Variants in SLCO3A1 observed in about 807,000 individuals in gnomAD.
SLCO3A1 encodes the protein solute carrier organic anion transporter family member 3A1, also known as PGE1 transporter.
A neutral mutation model predicts 63.1 loss-of-function variants in SLCO3A1; 27 were observed. The ratio of observed to expected loss-of-function variants is 0.43; its 90% CI spans 0.32 to 0.59. The LOEUF (loss-of-function observed/expected upper bound fraction) is 0.59. Among genes scored for constraint, SLCO3A1 ranks in the 20% least tolerant of loss-of-function variants. The pLI is 0.09. For synonymous variants in SLCO3A1, 473 were observed against 409.9 expected, an observed-to-expected ratio of 1.15 and a Z score of -1.86; for missense variants, 773 against 945.8, an observed-to-expected ratio of 0.82 and a Z score of 2.40.
At chr15:92,068,996 T>C (rs2047183509) in intron 2 of SLCO3A1, among the ~76,000 whole-genome samples, 1 of 152,204 alleles carries the variant, frequency 6.6e-6, no homozygotes. Flanking sequence ...TGCTAGGCAC[T>C]GTGCTGGGCG....
chr15:91,919,098 G>A (rs1898756256), intron 2 of SLCO3A1, among the ~76,000 whole-genome samples: 3 of 152,258 alleles, frequency 2.0e-5, no homozygotes, highest in East Asian at 3.8e-4. Context: ...GATCAGTGGT[G>A]ATGACACCTG....
Position 91,856,858 on chromosome 15 carries a change from T to G in SLCO3A1, c.180+2770T>G, listed in dbSNP as rs1896932288. 6.6e-6 allele frequency among the ~76,000 whole-genome samples: 1 copy of G among 152,162 alleles called. No homozygotes were observed. The highest frequency in any genetic ancestry group is 1.5e-5 in the Non-Finnish European group (1 of 68,034). ...CCTATTAGATTCCCAGAGTCCACCTTCTTATTTCATCTCCCCAGGTGCCTT... is the reference window on the plus strand; with the variant it reads ...CCTATTAGATTCCCAGAGTCCACCTGCTTATTTCATCTCCCCAGGTGCCTT... On this transcript the variant is annotated intron_variant, in intron 1 of 9. Transcript: ENST00000318445. The surrounding 1 kb of genome is among the most constrained non-coding windows in gnomAD (Gnocchi z 4.9).
intron 1 of SLCO3A1, among the ~76,000 whole-genome samples, chr15:91,902,641 G>T (rs1345363495): frequency 6.6e-6 from 1 of 152,040 alleles, no homozygotes; most frequent in Non-Finnish European, 1.5e-5. Context: ...TCCTCAGTTT[G>T]TTGTATGTTT....
chr15:92,063,279 A>G (rs1275274947), intron 2 of SLCO3A1, among the ~76,000 whole-genome samples: 3 of 152,198 alleles, frequency 2.0e-5, no homozygotes, highest in Non-Finnish European at 4.4e-5. Context: ...ATAGATATCC[A>G]GTTAAACCCA....
In SLCO3A1 at chr15:92,030,010, T is replaced by A. The variant is rs17644525; in HGVS notation, c.647-64871T>A. ...GTTGCATTATTACTCTAATAAAATGTCCTCGGCTACATTTTCGTAACAGTT... is the reference window on the plus strand; with the variant it reads ...GTTGCATTATTACTCTAATAAAATGACCTCGGCTACATTTTCGTAACAGTT... On this transcript the variant is annotated intron_variant, in intron 2 of 9. Transcript: ENST00000318445. Among the ~76,000 whole-genome samples the A allele has an allele frequency of 1.8e-3, 270 of 152,252 alleles. 7 individuals carry two copies. In the East Asian group the frequency reaches 0.049, roughly 28 times the overall value.
chr15:92,170,652 A>G (rs976055291), downstream of SLCO3A1, among the ~76,000 whole-genome samples: 6 of 152,182 alleles, frequency 3.9e-5, no homozygotes, highest in Admixed American at 2.0e-4. Flanking sequence ...GGAAACCCCT[A>G]GCAGGAGTCT....
chr15:92,080,399 T>A (rs1596081866), intron 2 of SLCO3A1, among the ~76,000 whole-genome samples: 1 of 152,052 alleles, frequency 6.6e-6, no homozygotes, highest in African/African-American at 2.4e-5. Context: ...AGTTTTTTTT[T>A]TTTTTTCCTC....
intron 1 of SLCO3A1, among the ~76,000 whole-genome samples, chr15:91,881,160 T>C (rs1402319026): frequency 1.3e-5 from 2 of 152,200 alleles, no homozygotes; most frequent in Non-Finnish European, 2.9e-5. Context: ...ACAAGCAGCT[T>C]GGCCAGCTTG....
At chr15:92,053,475 T>C (rs1452665415) in intron 2 of SLCO3A1, among the ~76,000 whole-genome samples, 1 of 152,028 alleles carries the variant, frequency 6.6e-6, no homozygotes, top group Admixed American at 6.5e-5. Flanking sequence ...TTCAGATGCG[T>C]GTAGTTTTTC....
intron 1 of SLCO3A1, among the ~76,000 whole-genome samples, chr15:91,899,295 C>A (rs1035419123): frequency 2.0e-5 from 3 of 152,130 alleles, no homozygotes; most frequent in African/African-American, 4.8e-5. Context: ...ATTTTGCAGG[C>A]GTTTCCCTAA....
rs1274999913 is a variant in SLCO3A1, at chr15:91,863,046, C to T, written c.180+8958C>T. ...AGCTGATTATATAAGCTATAAAATACAGCACCTAAAGTCTTATGTTTACTC... is the reference window on the plus strand; with the variant it reads ...AGCTGATTATATAAGCTATAAAATATAGCACCTAAAGTCTTATGTTTACTC... On this transcript the variant is annotated intron_variant, in intron 1 of 9. Transcript: ENST00000318445. This position sits in a 1 kb window ranked among gnomAD's most constrained non-coding sequence, Gnocchi z 4.3. Among the ~76,000 whole-genome samples the T allele has an allele frequency of 1.3e-5, 2 of 152,182 alleles. No individual in the cohort carries two copies. The highest frequency in any genetic ancestry group is 2.1e-4 in the South Asian group (1 of 4,828).
chr15:92,065,666 C>T (rs1256256621), intron 2 of SLCO3A1, among the ~76,000 whole-genome samples: 1 of 152,120 alleles, frequency 6.6e-6, no homozygotes, highest in East Asian at 1.9e-4. Flanking sequence ...TCCATGTGCT[C>T]AAACCCCTTT....
At position 91,955,337 on chromosome 15, in the gene SLCO3A1, C is replaced by CTT. The variant is rs765442580; in HGVS notation, c.646+38891_646+38892dup. ...TTTCATTCTATGTCATTTTCTTTTT[C>CTT]TTTTTTTTTTTTTGAAACAGAGTCT... On this transcript the variant is annotated intron_variant, in intron 2 of 9. Transcript: ENST00000318445. Among the ~76,000 whole-genome samples, 86 of 143,630 alleles carry CTT rather than the reference C, an allele frequency of 6.0e-4. 1 individual carries two copies. Among genetic ancestry groups the CTT allele is most frequent in the Non-Finnish European group, 1.1e-3 (69 of 65,480 alleles). 94.2% of individuals were successfully genotyped at this position (143,630 alleles called of 152,430 possible).
rs1415020212 is a variant in SLCO3A1 at position 92,104,445 on chromosome 15, C to T, written c.912C>T (p.Leu304=). The change falls in exon 4 of 10, where the codon CTC becomes CTT. Residue 304 remains leucine, a synonymous_variant. Coordinates refer to ENST00000318445, the MANE Select transcript of SLCO3A1 (RefSeq NM_013272.4). The part of the protein sequence containing the change: ...EPAMESEQAM[L]SEREYERPKP... ...CCATGGAAAGCGAGCAGGCCATGCT[C>T]TCCGAAAGAGAATACGAGAGACCCA... is the stretch of plus-strand genomic sequence containing the variant. The T allele has an allele frequency of 1.9e-6, 3 of 1,614,180 alleles. No individual in the cohort carries two copies. The South Asian group carries it at 3.3e-5, about 18-fold the overall frequency.
chr15:91,942,205 C>A lies in SLCO3A1; in HGVS notation c.646+25747C>A, dbSNP rs1427864607. 6.6e-6 allele frequency among the ~76,000 whole-genome samples: 1 copy of A among 151,942 alleles called. No individual in the cohort carries two copies. The highest frequency in any genetic ancestry group is 1.5e-5 in the Non-Finnish European group (1 of 68,026). The stretch of plus-strand genomic sequence containing the variant: ...AAAGGTGGCACCTCTGTCATTTACC[C>A]CTCAATATTTTATATTTGACTCTTC... On this transcript the variant is annotated intron_variant, in intron 2 of 9. Transcript: ENST00000318445. This position sits in a 1 kb window ranked among gnomAD's most constrained non-coding sequence, Gnocchi z 4.1.
chr15:91,915,920 T>G, intron 1 of SLCO3A1, 73 bp from the exon 2 acceptor site: 1 of 1,308,590 alleles, frequency 7.6e-7, no homozygotes, highest in African/African-American at 1.5e-5. Flanking sequence ...CAGAGCGCAC[T>G]GTCAGGCGGG....
At chr15:92,064,856 C>A (rs2047130187) in intron 2 of SLCO3A1, among the ~76,000 whole-genome samples, 4 of 152,098 alleles carry the variant, frequency 2.6e-5, no homozygotes, top group Non-Finnish European at 4.4e-5. Context: ...TGGTTACCAG[C>A]AGCTGGAGGG....
At chr15:92,128,170 C>T (rs1434168882) in intron 6 of SLCO3A1, among the ~76,000 whole-genome samples, 181 bp from the exon 7 acceptor site, 1 of 152,158 alleles carries the variant, frequency 6.6e-6, no homozygotes, top group African/African-American at 2.4e-5. Context: ...CCCTGGGCTG[C>T]TCCTTGCTGG....
At chr15:91,982,719 G>A (rs2151437696) in intron 2 of SLCO3A1, among the ~76,000 whole-genome samples, 1 of 152,362 alleles carries the variant, frequency 6.6e-6, no homozygotes, top group Middle Eastern at 3.4e-3. Context: ...GCTGACAAGT[G>A]ATTTGAGTGA....
Sources: allele counts gnomAD v4.1 joint callset (sites outside exome capture counted in the v4.1 genomes callset), GRCh38; gene constraint gnomAD v4.1.1; non-coding constraint Gnocchi (gnomAD v3.1); transcripts MANE v1.5; gene names NCBI Gene and HGNC (gene_info 2026-07-23, HGNC 2026-07-21).